The following PPFIBP2 variants were observed in gnomAD, a reference collection of about 807,000 sequenced individuals.
PPFIBP2 encodes liprin-beta-2.
Under a neutral mutation model 118.3 loss-of-function variants are expected in PPFIBP2, and 118 were observed. The observed-to-expected ratio is 1.00, with a 90% confidence interval of 0.86 to 1.16. The LOEUF is 1.16. Among genes scored for constraint, PPFIBP2 ranks in the 50% most tolerant of loss-of-function variants. The pLI is 0.00. For missense variants in PPFIBP2, 1,195 were observed against 1,073.1 expected, an observed-to-expected ratio of 1.11 and a Z score of -1.59; for synonymous variants, 414 against 397.4, an observed-to-expected ratio of 1.04 and a Z score of -0.50.
Position 7,651,603 on chromosome 11 carries a change from C to A in PPFIBP2, c.2248-53C>A, listed in dbSNP as rs879038406. ...AGGCCAGTCTCTCAGCATCCTCCCC[C>A]TCGAGCCATTTGTATTTGCTCCTGG... On this transcript the variant is annotated intron_variant, in intron 22 of 23. Coordinates refer to ENST00000299492, the MANE Select transcript of PPFIBP2 (RefSeq NM_003621.5). 3.0e-5 allele frequency: 46 copies of A among 1,523,572 alleles called. No homozygotes were observed. In the East Asian group the frequency reaches 6.4e-4, roughly 21 times the overall value. 94.4% of individuals were successfully genotyped at this position (1,523,572 alleles called of 1,614,324 possible).
chr11:7,593,213 C>T lies in PPFIBP2; in HGVS notation c.361C>T (p.Leu121Phe), dbSNP rs1482030217. The change falls in exon 4 of 24, where the codon CTC becomes TTC. Residue 121 changes from leucine to phenylalanine, a missense_variant. Leu to Phe is a conservative substitution (Grantham distance 22, BLOSUM62 0). Coordinates refer to ENST00000299492, the MANE Select transcript of PPFIBP2 (RefSeq NM_003621.5). ...ACGTCTAGAAGGGGATAAGGAGTCC[C>T]TCATATTGCAGGTGGGTACTTTTTG... is the stretch of plus-strand genomic sequence containing the variant. Reference protein sequence around the residue: ...LARLEGDKESLILQVSVLTDQ... With the variant: ...LARLEGDKESFILQVSVLTDQ... The T allele has an allele frequency of 6.2e-7, 1 of 1,613,848 alleles. No homozygotes were observed. Among genetic ancestry groups the T allele is most frequent in the South Asian group, 1.1e-5 (1 of 91,048 alleles).
chr11:7,541,341 A>C (rs1304466894), intron 1 of PPFIBP2, among the ~76,000 whole-genome samples: 2 of 152,272 alleles, frequency 1.3e-5, no homozygotes, highest in Admixed American at 6.5e-5. Flanking sequence ...TTAGGAGGCT[A>C]TTGTAGTCAT....
chr11:7,646,397 G>C (rs1416747505), intron 17 of PPFIBP2, among the ~76,000 whole-genome samples: 1 of 152,188 alleles, frequency 6.6e-6, no homozygotes. Context: ...GACAATACCA[G>C]TTATAAATTG....
At chr11:7,650,668 C>G in intron 21 of PPFIBP2, 172 bp from the exon 22 acceptor site, 1 of 527,132 alleles carries the variant, frequency 1.9e-6, no homozygotes, top group African/African-American at 1.9e-5. Context: ...GCTCTATTTC[C>G]TAGAAACTGG....
At chr11:7,646,627 A>T (rs1853106892) in intron 17 of PPFIBP2, among the ~76,000 whole-genome samples, 1 of 152,216 alleles carries the variant, frequency 6.6e-6, no homozygotes, top group South Asian at 2.1e-4. Flanking sequence ...TGGGAGGCTG[A>T]GGCAGGAGGA....
At chr11:7,626,444 C>T (rs898807044) in intron 8 of PPFIBP2, among the ~76,000 whole-genome samples, 1 of 152,224 alleles carries the variant, frequency 6.6e-6, no homozygotes, top group African/African-American at 2.4e-5. Flanking sequence ...TCTAATTCAT[C>T]ATCCTTCCTT....
At chr11:7,625,727 T>A (rs1307896452) in intron 7 of PPFIBP2, 50 bp from the exon 8 acceptor site, 1 of 1,491,388 alleles carries the variant, frequency 6.7e-7, no homozygotes, top group Non-Finnish European at 9.3e-7. Context: ...CACTTCATCA[T>A]GATTTGGCAG....
intron 1 of PPFIBP2, among the ~76,000 whole-genome samples, chr11:7,541,208 T>A (rs1851741486): frequency 6.6e-6 from 1 of 152,266 alleles, no homozygotes; most frequent in Non-Finnish European, 1.5e-5. Flanking sequence ...TACAGGAGGC[T>A]GGGCCTCTTG....
At chr11:7,540,582 A>G (rs1851674631) in intron 1 of PPFIBP2, among the ~76,000 whole-genome samples, 1 of 152,018 alleles carries the variant, frequency 6.6e-6, no homozygotes, top group Admixed American at 6.6e-5. Flanking sequence ...CTGCAACCTC[A>G]CTCCAGTCCC....
chr11:7,527,469 G>C (rs1850331505), intron 1 of PPFIBP2, among the ~76,000 whole-genome samples: 1 of 152,066 alleles, frequency 6.6e-6, no homozygotes, highest in Non-Finnish European at 1.5e-5. Context: ...GATTGTGACA[G>C]TATTTATTAT....
intron 1 of PPFIBP2, among the ~76,000 whole-genome samples, chr11:7,527,796 C>T (rs1850357298): frequency 6.6e-6 from 1 of 151,986 alleles, no homozygotes; most frequent in African/African-American, 2.4e-5. Context: ...ATGAGTAATG[C>T]CAATTAAGGG....
At chr11:7,627,202 G>A (rs991623782) in intron 8 of PPFIBP2, among the ~76,000 whole-genome samples, 1 of 152,196 alleles carries the variant, frequency 6.6e-6, no homozygotes, top group Non-Finnish European at 1.5e-5. Context: ...GCTGCCGAAG[G>A]TAGGTTCTGA....
At chr11:7,630,670 A>G (rs1850633594) in intron 10 of PPFIBP2, among the ~76,000 whole-genome samples, 1 of 151,722 alleles carries the variant, frequency 6.6e-6, no homozygotes, top group South Asian at 2.1e-4. Flanking sequence ...GATTGCCTAT[A>G]GCTAAGGAGT....
At chr11:7,554,937 T>C (rs1853436506) in intron 2 of PPFIBP2, among the ~76,000 whole-genome samples, 1 of 152,174 alleles carries the variant, frequency 6.6e-6, no homozygotes, top group Non-Finnish European at 1.5e-5. Flanking sequence ...AAGACCATTA[T>C]TATAGTTTCC....
rs1338286408 is a variant in PPFIBP2 at position 7,593,207 on chromosome 11, G to C, written c.355G>C (p.Glu119Gln). ...CTTGGCACGTCTAGAAGGGGATAAG[G>C]AGTCCCTCATATTGCAGGTGGGTAC... ...ERLARLEGDK[E>Q]SLILQVSVLT... The change falls in exon 4 of 24, where the codon GAG (glutamate) becomes CAG (glutamine). Residue 119 changes from glutamate (E) to glutamine (Q), a missense_variant. Physicochemically the swap from Glu to Gln is conservative, Grantham distance 29. Coordinates refer to ENST00000299492, the MANE Select transcript of PPFIBP2 (RefSeq NM_003621.5). 6.2e-7 allele frequency: 1 copy of C among 1,613,974 alleles called. No homozygotes were observed. Among genetic ancestry groups the C allele is most frequent in the South Asian group, 1.1e-5 (1 of 91,070 alleles).
intron 5 of PPFIBP2, among the ~76,000 whole-genome samples, chr11:7,609,357 T>G (rs1847788409): frequency 6.6e-6 from 1 of 152,190 alleles, no homozygotes; most frequent in Non-Finnish European, 1.5e-5. Context: ...CTATTCTCCT[T>G]GCCACAACCT....
At chr11:7,611,763 A>T (rs1793017177) in intron 6 of PPFIBP2, among the ~76,000 whole-genome samples, 2 of 152,242 alleles carry the variant, frequency 1.3e-5, no homozygotes, top group African/African-American at 4.8e-5. Flanking sequence ...AGTAATAGTT[A>T]GCTTTTATTG....
intron 5 of PPFIBP2, chr11:7,605,851 T>TAC: frequency 7.0e-7 from 1 of 1,432,568 alleles, no homozygotes; most frequent in African/African-American, 1.4e-5. Context: ...ACATTCTGGA[T>TAC]ACACGTGAGA....
intron 10 of PPFIBP2, among the ~76,000 whole-genome samples, chr11:7,630,538 C>T (rs1850618169): frequency 6.6e-6 from 1 of 152,196 alleles, no homozygotes; most frequent in African/African-American, 2.4e-5. Flanking sequence ...ACTCGAACTC[C>T]TGACCTTAAG....
Sources: gnomAD v4.1 joint callset for allele counts (sites outside exome capture counted in the v4.1 genomes callset) on GRCh38, gnomAD v4.1.1 for gene constraint, MANE v1.5 for transcripts, NCBI Gene and HGNC (gene_info 2026-07-23, HGNC 2026-07-21) for gene names.